Variants in GRM3 observed in about 807,000 individuals in gnomAD.
The protein encoded by GRM3 is metabotropic glutamate receptor 3.
A neutral mutation model predicts 70.5 loss-of-function variants in GRM3; 26 were observed. The ratio of observed to expected loss-of-function variants is 0.37; its 90% confidence interval spans 0.27 to 0.51. GRM3 has a LOEUF of 0.51. GRM3 is among the 20% of genes least tolerant of loss of function. GRM3 has a pLI of 0.93. For synonymous variants in GRM3, 443 were observed against 434.9 expected (o/e 1.02, Z -0.23); for missense variants, 859 against 1,123.8 (o/e 0.76, Z 3.37).
chr7:86,793,602 G>A (rs1002148464), intron 3 of GRM3, among the ~76,000 whole-genome samples: 4 of 152,126 alleles, frequency 2.6e-5, no homozygotes, highest in Middle Eastern at 3.2e-3. Flanking sequence ...ATAAGAATAA[G>A]ATTTTAAACC....
At chr7:86,686,671 G>GACAAAAA (rs1362314081) in intron 1 of GRM3, among the ~76,000 whole-genome samples, 38 of 152,004 alleles carry the variant, frequency 2.5e-4, no homozygotes, top group Non-Finnish European at 5.9e-5. Flanking sequence ...TGCTATAGCT[G>GACAAAAA]ACAAAAAACA....
intron 1 of GRM3, among the ~76,000 whole-genome samples, chr7:86,734,786 C>T (rs1795816858): frequency 6.6e-6 from 1 of 152,168 alleles, no homozygotes; most frequent in Admixed American, 6.5e-5. Flanking sequence ...TTCATTTCCA[C>T]TTCCATAGTC....
intron 1 of GRM3, among the ~76,000 whole-genome samples, chr7:86,660,182 T>C (rs1793857292): frequency 6.6e-6 from 1 of 152,062 alleles, no homozygotes; most frequent in Admixed American, 6.6e-5. Context: ...TTTGAAAGAA[T>C]AGTAATTTTG....
At chr7:86,840,005 G>A in intron 4 of GRM3, 100 bp downstream of exon 4, 3 of 702,898 alleles carry the variant, frequency 4.3e-6, no homozygotes, top group Non-Finnish European at 7.3e-6. Flanking sequence ...TCAACGAGTT[G>A]GGTAATTTCA....
At chr7:86,785,181 A>C (rs1187311058) in intron 2 of GRM3, among the ~76,000 whole-genome samples, 1 of 152,262 alleles carries the variant, frequency 6.6e-6, no homozygotes, top group Non-Finnish European at 1.5e-5. Context: ...ATTAAAATCC[A>C]CTTAGTATGT....
Position 86,864,341 on chromosome 7 carries a change from A to G in GRM3, c.2626A>G (p.Thr876Ala). The change falls in exon 6 of 6, where the codon ACC becomes GCC. Residue 876 changes from threonine to alanine, a missense_variant. Transcript: ENST00000361669. ...CNGREVLDSTTSSL is the reference protein window; with the variant it reads ...CNGREVLDSTASSL ...TGGGCGGGAAGTCCTCGACTCCACC[A>G]CCTCATCTCTGTGATTGTGAATTGC... is the stretch of plus-strand genomic sequence containing the variant. 6.2e-7 allele frequency: 1 copy of G among 1,610,962 alleles called. No individual in the cohort carries two copies. Among genetic ancestry groups the G allele is most frequent in the Non-Finnish European group, 8.5e-7 (1 of 1,177,304 alleles).
At chr7:86,828,768 G>C (rs1798294328) in intron 3 of GRM3, among the ~76,000 whole-genome samples, 1 of 152,170 alleles carries the variant, frequency 6.6e-6, no homozygotes, top group South Asian at 2.1e-4. Flanking sequence ...AAACAAGGAA[G>C]TTTGCCACAA....
intron 1 of GRM3, among the ~76,000 whole-genome samples, chr7:86,680,447 C>T (rs1433096136): frequency 1.3e-5 from 2 of 152,100 alleles, no homozygotes; most frequent in African/African-American, 4.8e-5. Context: ...ACTGGGACAA[C>T]TAACACTACT....
chr7:86,767,224 T>A (rs1250911798), intron 2 of GRM3, among the ~76,000 whole-genome samples: 1 of 151,208 alleles, frequency 6.6e-6, no homozygotes, highest in Non-Finnish European at 1.5e-5. Flanking sequence ...AAAAAAAAAA[T>A]GTAAATAATG....
chr7:86,737,924 A>G (rs1268840132), intron 1 of GRM3, among the ~76,000 whole-genome samples: 2 of 152,208 alleles, frequency 1.3e-5, no homozygotes, highest in Admixed American at 6.5e-5. Context: ...CCCCACTTAG[A>G]TCTATATGAA....
At chr7:86,748,345 A>G (rs1584212545) in intron 1 of GRM3, among the ~76,000 whole-genome samples, 1 of 152,038 alleles carries the variant, frequency 6.6e-6, no homozygotes, top group Admixed American at 6.6e-5. Context: ...CGGCTGCAGG[A>G]ATTCGAAGTC....
At chr7:86,741,218 C>T (rs1039342377) in intron 1 of GRM3, among the ~76,000 whole-genome samples, 1 of 152,128 alleles carries the variant, frequency 6.6e-6, no homozygotes, top group Middle Eastern at 3.2e-3. Context: ...AAGAAGAGAC[C>T]TGGAGCCAGT....
intron 1 of GRM3, among the ~76,000 whole-genome samples, chr7:86,743,106 G>A (rs1796024877): frequency 6.6e-6 from 1 of 152,052 alleles, no homozygotes; most frequent in South Asian, 2.1e-4. Flanking sequence ...TTCTCACTAT[G>A]TTATATTACA....
chr7:86,674,015 AAAC>A (rs765640704), intron 1 of GRM3, among the ~76,000 whole-genome samples: 2 of 152,076 alleles, frequency 1.3e-5, no homozygotes, highest in East Asian at 3.9e-4. Context: ...TTCCCATCTA[AAAC>A]CAGTATATTG....
chr7:86,772,005 A>G (rs1796755790), intron 2 of GRM3, among the ~76,000 whole-genome samples: 1 of 152,096 alleles, frequency 6.6e-6, no homozygotes, highest in African/African-American at 2.4e-5. Context: ...TATCCCTGTG[A>G]GAACCCTTTC....
chr7:86,797,140 A>G (rs1325137938), intron 3 of GRM3, among the ~76,000 whole-genome samples: 1 of 152,194 alleles, frequency 6.6e-6, no homozygotes, highest in East Asian at 1.9e-4. Flanking sequence ...GTACCAGTAG[A>G]GAGGGGTGTT....
At chr7:86,675,651 T>A (rs1449589596) in intron 1 of GRM3, among the ~76,000 whole-genome samples, 1 of 152,112 alleles carries the variant, frequency 6.6e-6, no homozygotes, top group African/African-American at 2.4e-5. Context: ...TAAAGAATTA[T>A]ACTGCAAGTA....
intron 1 of GRM3, among the ~76,000 whole-genome samples, chr7:86,691,035 T>C (rs978724953): frequency 1.3e-5 from 2 of 152,204 alleles, no homozygotes; most frequent in African/African-American, 4.8e-5. Context: ...TTAAAAATTC[T>C]GCTTTTCCTC....
At chr7:86,747,141 C>T (rs1372460263) in intron 1 of GRM3, among the ~76,000 whole-genome samples, 1 of 152,018 alleles carries the variant, frequency 6.6e-6, no homozygotes, top group Non-Finnish European at 1.5e-5. Flanking sequence ...TTTAATTAGC[C>T]TGAGAAAAAT....
Sources: allele counts gnomAD v4.1 joint callset (sites outside exome capture counted in the v4.1 genomes callset), GRCh38; gene constraint gnomAD v4.1.1; transcripts MANE v1.5; gene names NCBI Gene and HGNC (gene_info 2026-07-23, HGNC 2026-07-21).